Variants in LGSN observed in about 807,000 individuals in gnomAD.
LGSN encodes lengsin.
Under a neutral mutation model 19.5 loss-of-function variants are expected in LGSN, and 21 were observed. The ratio of observed to expected loss-of-function variants is 1.07; its 90% CI spans 0.76 to 1.55. LGSN has a LOEUF of 1.55. LGSN is among the 40% of genes most tolerant of loss of function. The pLI is 0.00. For synonymous variants in LGSN, 257 were observed against 215.6 expected (o/e 1.19, Z -1.68); for missense variants, 673 against 608.5 (o/e 1.11, Z -1.12).
chr6:63,415,724 T>C, the LGSN span, among the ~76,000 whole-genome samples: 1 of 152,226 alleles, frequency 6.6e-6, no homozygotes, highest in Non-Finnish European at 1.5e-5. Flanking sequence ...CTAGAGCGAC[T>C]TCCACTGCCT....
At chr6:63,339,477 G>A in the LGSN span, among the ~76,000 whole-genome samples, 457 of 152,154 alleles carry the variant, frequency 3.0e-3, 3 homozygotes, top group African/African-American at 0.01. Flanking sequence ...TAATTTGTCC[G>A]ACATAAGTAT....
At chr6:63,404,488 C>A in the LGSN span, among the ~76,000 whole-genome samples, 3 of 152,208 alleles carry the variant, frequency 2.0e-5, no homozygotes, top group South Asian at 4.2e-4. Context: ...TGGTTATACA[C>A]AACAGTTTAT....
chr6:63,311,761 T>C (rs1486811883), intron 1 of LGSN, among the ~76,000 whole-genome samples: 1 of 152,210 alleles, frequency 6.6e-6, no homozygotes, highest in Non-Finnish European at 1.5e-5. Flanking sequence ...ATAATACACA[T>C]TTTCCATGAA....
chr6:63,564,289 A>AG, the LGSN span, among the ~76,000 whole-genome samples: 8 of 151,892 alleles, frequency 5.3e-5, no homozygotes, highest in South Asian at 1.0e-3. Context: ...AAAAAAAAAA[A>AG]AGAGAGAAAT....
At chr6:63,522,981 C>T in the LGSN span, among the ~76,000 whole-genome samples, 1 of 151,722 alleles carries the variant, frequency 6.6e-6, no homozygotes. Flanking sequence ...TCTCCTGCCA[C>T]AGCCTCCGGA....
chr6:63,542,901 A>G, the LGSN span, among the ~76,000 whole-genome samples: 1 of 152,108 alleles, frequency 6.6e-6, no homozygotes. Context: ...CTAGCCTCTT[A>G]TGTCGTGTTC....
chr6:63,406,385 G>A, the LGSN span, among the ~76,000 whole-genome samples: 21 of 151,842 alleles, frequency 1.4e-4, no homozygotes, highest in African/African-American at 7.3e-5. Flanking sequence ...ACTCAAAACC[G>A]CTCAACTACG....
At chr6:63,352,402 G>A in the LGSN span, among the ~76,000 whole-genome samples, 4 of 152,004 alleles carry the variant, frequency 2.6e-5, 1 homozygote, top group South Asian at 2.1e-4. Flanking sequence ...AGTGACTAAC[G>A]CCTAGAATCC....
At chr6:63,387,832 A>G in the LGSN span, among the ~76,000 whole-genome samples, 1 of 151,758 alleles carries the variant, frequency 6.6e-6, no homozygotes, top group Non-Finnish European at 1.5e-5. Context: ...ATCTACAGGC[A>G]TACCACCACA....
At chr6:63,554,322 A>C in the LGSN span, among the ~76,000 whole-genome samples, 1 of 152,184 alleles carries the variant, frequency 6.6e-6, no homozygotes, top group African/African-American at 2.4e-5. Flanking sequence ...TTTTATCATA[A>C]TACTGGGAGT....
chr6:63,391,142 G>A, the LGSN span, among the ~76,000 whole-genome samples: 10 of 152,030 alleles, frequency 6.6e-5, no homozygotes, highest in Non-Finnish European at 1.5e-4. Context: ...TTAAAATCTC[G>A]TTTTTAAAAA....
At chr6:63,433,510 C>T in the LGSN span, among the ~76,000 whole-genome samples, 1 of 152,180 alleles carries the variant, frequency 6.6e-6, no homozygotes, top group African/African-American at 2.4e-5. Context: ...CTGCCTGTAA[C>T]CAGTAATCTT....
the LGSN span, among the ~76,000 whole-genome samples, chr6:63,341,259 G>T: frequency 6.6e-6 from 1 of 152,086 alleles, no homozygotes; most frequent in African/African-American, 2.4e-5. Context: ...CAGTGGGCAG[G>T]GCCGGCCGAT....
the LGSN span, among the ~76,000 whole-genome samples, chr6:63,346,851 T>C: frequency 6.6e-6 from 1 of 152,196 alleles, no homozygotes; most frequent in African/African-American, 2.4e-5. Context: ...TGCTCGGTCA[T>C]GCCTTCTTGA....
At chr6:63,472,139 C>G in the LGSN span, among the ~76,000 whole-genome samples, 1 of 152,210 alleles carries the variant, frequency 6.6e-6, no homozygotes. Context: ...ATAGTGCACA[C>G]ACTTGCTGAT....
At chr6:63,547,933 C>T in the LGSN span, among the ~76,000 whole-genome samples, 1 of 152,282 alleles carries the variant, frequency 6.6e-6, no homozygotes, top group Admixed American at 6.5e-5. Context: ...TTGCTTAAAA[C>T]CCTTAAAGTT....
At chr6:63,424,236 AAAAAT>A in the LGSN span, among the ~76,000 whole-genome samples, 3 of 152,120 alleles carry the variant, frequency 2.0e-5, no homozygotes, top group Admixed American at 6.6e-5. Flanking sequence ...TAAATTCCTC[AAAAAT>A]AAAATAAAAT....
the LGSN span, among the ~76,000 whole-genome samples, chr6:63,414,129 A>C: frequency 6.6e-6 from 1 of 152,206 alleles, no homozygotes; most frequent in Non-Finnish European, 1.5e-5. Context: ...TCAAGACATG[A>C]AGATAATAAT....
chr6:63,323,670 C>A (rs1259483344), upstream of LGSN, among the ~76,000 whole-genome samples: 2 of 146,806 alleles, frequency 1.4e-5, no homozygotes, highest in African/African-American at 5.1e-5. Context: ...TACATATTAA[C>A]ATAAATAGCA....
Sources: allele counts gnomAD v4.1 joint callset (sites outside exome capture counted in the v4.1 genomes callset), GRCh38; gene constraint gnomAD v4.1.1; transcripts MANE v1.5; gene names NCBI Gene and HGNC (gene_info 2026-07-23, HGNC 2026-07-21).